The following SACS variants were observed in gnomAD, a reference collection of about 807,000 sequenced individuals.
The protein encoded by SACS is sacsin.
SACS carries 197 observed loss-of-function variants against 348.0 expected under a neutral mutation model. The ratio of observed to expected loss-of-function variants is 0.57; its 90% CI spans 0.50 to 0.64. The LOEUF (loss-of-function observed/expected upper bound fraction) is 0.64. Among genes scored for constraint, SACS ranks in the 30% least tolerant of loss-of-function variants. SACS has a pLI of 0.00. For synonymous variants in SACS, 1,985 were observed against 1,910.6 expected (o/e 1.04, Z -1.02); for missense variants, 4,999 against 5,360.8 (o/e 0.93, Z 2.11).
Position 23,411,413 on chromosome 13 carries a change from G to A in SACS, c.-174C>T. On this transcript the variant is annotated 5_prime_UTR_variant, in exon 2 of 10. Coordinates refer to ENST00000382292, the MANE Select transcript of SACS (RefSeq NM_014363.6). The stretch of plus-strand genomic sequence containing the variant: ...GTGTCCATTCATCATCTGATGTCAG[G>A]AAACATTGTCGTGTGTTGCATTTGT... 4.6e-6 allele frequency: 3 copies of A among 658,786 alleles called. No individual in the cohort carries two copies. The highest frequency in any genetic ancestry group is 4.9e-5 in the Admixed American group (2 of 40,498). The allele number at this position is 658,786 out of a possible 1,614,324, so 40.8% of individuals were successfully genotyped here.
At chr13:23,373,788 T>G (rs1367876299) in intron 3 of SACS, 2 of 100,746 alleles carry the variant, frequency 2.0e-5, no homozygotes, top group South Asian at 7.0e-4. Context: ...AGAGCGAGAC[T>G]CCGTCTCACA....
rs1221257323 is a variant in SACS at position 23,338,810 on chromosome 13, C to A, written c.5066G>T (p.Ser1689Ile). Residue 1689 changes from serine (S) to isoleucine (I), a missense_variant, in exon 10 of 10, where the codon AGT becomes ATT. Ser to Ile is a moderately radical substitution (Grantham distance 142). This residue lies in a region of SACS where 3,156 missense variants were observed against 3,380.1 expected (regional missense o/e 0.93). Coordinates refer to ENST00000382292, the MANE Select transcript of SACS (RefSeq NM_014363.6). ...GTACTTCAAATACATTGACTTTACA[C>A]TCTGAGTGAAAATGATAAGCCTGTG... ...CGHRLIIFTQ[S>I]VKSMYLKYLK... 1 of 1,612,986 alleles carries A rather than the reference C, an allele frequency of 6.2e-7. No individual in the cohort carries two copies. Among genetic ancestry groups the A allele is most frequent in the Non-Finnish European group, 8.5e-7 (1 of 1,179,900 alleles).
rs780596882 is a variant in SACS at position 23,354,896 on chromosome 13, C to T, written c.1716G>A (p.Leu572=). Residue 572 remains leucine (L), a synonymous_variant, in exon 8 of 10, where the codon TTG becomes TTA. Coordinates refer to ENST00000382292, the MANE Select transcript of SACS (RefSeq NM_014363.6). ...CAAGTTCTGAGAAGTACACCTGCTC[C>T]AACCTGACCCAGTCACAGCTAATTG... ...IYSISCDWVR[L]EQVYFSELDE... 2 of 1,614,196 alleles carry T rather than the reference C, an allele frequency of 1.2e-6. No homozygotes were observed. The highest frequency in any genetic ancestry group is 1.7e-6 in the Non-Finnish European group (2 of 1,180,036).
In SACS at chr13:23,334,075, T is replaced by C. The variant is rs765872254; in HGVS notation, c.9801A>G (p.Thr3267=). ...VKEDQEETKP[T]FDIVVDTLKD... is the part of the protein sequence containing the mutation. ...TTAGAGTATCAACAACAATGTCAAATGTTGGTTTTGTTTCTTCCTGATCTT... is the reference window on the plus strand; with the variant it reads ...TTAGAGTATCAACAACAATGTCAAACGTTGGTTTTGTTTCTTCCTGATCTT... The change falls in exon 10 of 10, where the codon ACA becomes ACG. Residue 3267 remains threonine (T), a synonymous_variant. Transcript: ENST00000382292. 3.1e-6 allele frequency: 5 copies of C among 1,613,782 alleles called. No homozygotes were observed. Among genetic ancestry groups the C allele is most frequent in the Admixed American group, 3.3e-5 (2 of 59,994 alleles).
At chr13:23,358,654 C>T (rs1870542131) in intron 6 of SACS, among the ~76,000 whole-genome samples, 173 bp from the exon 7 acceptor site, 1 of 152,134 alleles carries the variant, frequency 6.6e-6, no homozygotes, top group Non-Finnish European at 1.5e-5. Context: ...TAAAGACACA[C>T]ACTGAAGTAA....
At position 23,333,557 on chromosome 13, in the gene SACS, T is replaced by G; in HGVS notation, c.10319A>C (p.Glu3440Ala). 4 of 1,613,682 alleles carry G rather than the reference T, an allele frequency of 2.5e-6. No individual in the cohort carries two copies. Among genetic ancestry groups the G allele is most frequent in the Non-Finnish European group, 3.4e-6 (4 of 1,179,708 alleles). The change falls in exon 10 of 10, where the codon GAA becomes GCA. Residue 3440 changes from glutamate (E) to alanine (A), a missense_variant. Glu to Ala is a moderately radical substitution (Grantham distance 107). This residue lies in a region of SACS where 734 missense variants were observed against 694.0 expected (regional missense o/e 1.06). Transcript: ENST00000382292. ...YVLTKSIPSA[E>A]VEKWTQSSSS... is the part of the protein sequence containing the mutation. ...TGATGACTGTGTCCATTTCTCCACT[T>G]CAGCTGAAGGGATACTTTTTGTAAG...
chr13:23,334,220 G>A lies in SACS; in HGVS notation c.9656C>T (p.Ser3219Phe). ...FDISSFADLLSSVLPREYKTK... is the reference protein window; with the variant it reads ...FDISSFADLLFSVLPREYKTK... ...CTTATATTCTCGAGGCAACACAGAG[G>A]ATAACAAATCAGCAAAGCTGGAAAT... is the stretch of plus-strand genomic sequence containing the variant. Residue 3219 changes from serine (S) to phenylalanine (F), a missense_variant, in exon 10 of 10, where the codon TCC becomes TTC. Physicochemically the swap from Ser to Phe is radical, Grantham distance 155 (BLOSUM62 -2). This residue lies in a region of SACS where 734 missense variants were observed against 694.0 expected (regional missense o/e 1.06). Transcript: ENST00000382292. 1.9e-6 allele frequency: 3 copies of A among 1,613,650 alleles called. No homozygotes were observed. Among genetic ancestry groups the A allele is most frequent in the Non-Finnish European group, 2.5e-6 (3 of 1,179,776 alleles).
chr13:23,337,351 TTTATTA>T lies in SACS; in HGVS notation c.6519_6524del (p.Asn2174_Lys2175del), dbSNP rs1868726534. On this transcript the variant is annotated inframe_deletion, in exon 10 of 10. Transcript: ENST00000382292. ...TTAGGCATGCAGCAACATGATCACT[TTTATTA>T]ATTTCAGCTACTGACACTGCACGTT... The T allele has an allele frequency of 1.2e-6, 2 of 1,613,892 alleles. No individual in the cohort carries two copies. Among genetic ancestry groups the T allele is most frequent in the Non-Finnish European group, 1.7e-6 (2 of 1,179,938 alleles).
chr13:23,353,167 T>C (rs1870081451), intron 9 of SACS, among the ~76,000 whole-genome samples: 1 of 152,192 alleles, frequency 6.6e-6, no homozygotes, highest in South Asian at 2.1e-4. Flanking sequence ...TTACTGTCTT[T>C]TCCTAAAAGG....
chr13:23,387,510 C>T (rs1417472050), intron 2 of SACS, among the ~76,000 whole-genome samples: 1 of 149,888 alleles, frequency 6.7e-6, no homozygotes, highest in Admixed American at 6.7e-5. Context: ...ATAAGGTATT[C>T]CTGGACTTGC....
chr13:23,377,719 G>C (rs1274468576), intron 2 of SACS, among the ~76,000 whole-genome samples: 2 of 152,104 alleles, frequency 1.3e-5, no homozygotes, highest in African/African-American at 4.8e-5. Context: ...CATCTGTGGT[G>C]GGAGTGACAG....
chr13:23,336,150 A>G lies in SACS; in HGVS notation c.7726T>C (p.Phe2576Leu). 6.2e-7 allele frequency: 1 copy of G among 1,613,682 alleles called. No homozygotes were observed. Among genetic ancestry groups the G allele is most frequent in the Non-Finnish European group, 8.5e-7 (1 of 1,179,662 alleles). ...TGCAATGGGGCCCACTTATCATCAA[A>G]TATTCTATCAACTGGATGCTGTCTA... is the stretch of plus-strand genomic sequence containing the variant. ...DPRQHPVDRI[F>L]DDKWAPLQGP... Residue 2576 changes from phenylalanine to leucine, a missense_variant, in exon 10 of 10, where the codon TTT becomes CTT. Transcript: ENST00000382292.
intron 7 of SACS, among the ~76,000 whole-genome samples, chr13:23,357,478 TC>T (rs1870467291): frequency 6.6e-6 from 1 of 152,176 alleles, no homozygotes; most frequent in South Asian, 2.1e-4. Context: ...CCCAGGGCAG[TC>T]CCAATTCAGG....
intron 1 of SACS, among the ~76,000 whole-genome samples, chr13:23,422,682 G>A (rs1169557674): frequency 1.3e-5 from 2 of 150,766 alleles, no homozygotes; most frequent in African/African-American, 2.4e-5. Context: ...TTTTTGAGAC[G>A]GAGTCTCACT....
Position 23,354,962 on chromosome 13 carries a change from C to T in SACS, c.1650G>A (p.Glu550=). The T allele has an allele frequency of 6.2e-7, 1 of 1,614,228 alleles. No individual in the cohort carries two copies. The highest frequency in any genetic ancestry group is 8.5e-7 in the Non-Finnish European group (1 of 1,180,042). The change falls in exon 8 of 10, where the codon GAG becomes GAA. Residue 550 remains glutamate, a synonymous_variant. Coordinates refer to ENST00000382292, the MANE Select transcript of SACS (RefSeq NM_014363.6). ...KVKVHWQPVL[E]PLFSELLQNA... The stretch of plus-strand genomic sequence containing the variant: ...TCTGCAACAGCTCGCTGAATAGAGG[C>T]TCTAACACCGGTTGCCAGTGCACCT...
chr13:23,399,442 T>C (rs1444924614), intron 2 of SACS, among the ~76,000 whole-genome samples: 1 of 152,126 alleles, frequency 6.6e-6, no homozygotes, highest in East Asian at 1.9e-4. Context: ...CCGCCGAAAC[T>C]ACCCTTCCCG....
In SACS at chr13:23,368,408, A is replaced by G. The variant is rs890638661; in HGVS notation, c.339T>C (p.Ile113=). The G allele has an allele frequency of 6.2e-7, 1 of 1,609,220 alleles. No individual in the cohort carries two copies. The highest frequency in any genetic ancestry group is 1.3e-5 in the African/African-American group (1 of 74,832). ...AACACGACATGTGCCCCACCTTAAG[A>G]ATCTGTCCTCCTTCTGGATATCTTC... ...ILRRYPEGGQ[I]LKELIQNAED... The change falls in exon 5 of 10, where the codon ATT becomes ATC. Residue 113 remains isoleucine (I), a synonymous_variant. Coordinates refer to ENST00000382292, the MANE Select transcript of SACS (RefSeq NM_014363.6).
Position 23,355,776 on chromosome 13 carries a change from G to T in SACS, c.836C>A (p.Pro279His), listed in dbSNP as rs1419151158. The part of the protein sequence containing the change: ...TFFRFPLRLQ[P>H]SQLSSNLYNK... ...GTAGAGGTTACTACTAAGTTGTGAA[G>T]GTTGTAGGCGAAGAGGGAAACGGAA... Residue 279 changes from proline (P) to histidine (H), a missense_variant, in exon 8 of 10, where the codon CCT becomes CAT. By Grantham distance (77) the Pro-to-His change is moderately conservative. Transcript: ENST00000382292. 1 of 1,614,106 alleles carries T rather than the reference G, an allele frequency of 6.2e-7. No individual in the cohort carries two copies. The highest frequency in any genetic ancestry group is 1.3e-5 in the African/African-American group (1 of 74,942).
intron 2 of SACS, among the ~76,000 whole-genome samples, chr13:23,377,005 C>G (rs909942026): frequency 3.3e-5 from 5 of 152,096 alleles, no homozygotes; most frequent in Non-Finnish European, 7.4e-5. Flanking sequence ...TATGGGTGAC[C>G]CTTGCAGACA....
Sources: gnomAD v4.1 joint callset for allele counts (sites outside exome capture counted in the v4.1 genomes callset) on GRCh38, gnomAD v4.1.1 for gene constraint, gnomAD v4.1.1 regional missense constraint, MANE v1.5 for transcripts, NCBI Gene and HGNC (gene_info 2026-07-23, HGNC 2026-07-21) for gene names.